Variants in MAPK6 observed in about 807,000 individuals in gnomAD.
MAPK6 encodes ERK-3.
MAPK6 carries 19 observed loss-of-function variants against 59.3 expected under a neutral mutation model. The ratio of observed to expected loss-of-function variants is 0.32; its 90% CI spans 0.22 to 0.47. MAPK6 has a LOEUF of 0.47. Ranked by LOEUF, MAPK6 falls within the 20% of genes least tolerant of loss-of-function variation. The pLI is 1.00. For missense variants in MAPK6, 724 were observed against 847.9 expected, an observed-to-expected ratio of 0.85 and a Z score of 1.81; for synonymous variants, 316 against 290.3, an observed-to-expected ratio of 1.09 and a Z score of -0.90.
At position 51,978,588 on chromosome 15, in the gene MAPK6, C is replaced by A. The variant is rs1246235344; in HGVS notation, c.-879-4618C>A. On this transcript the variant is annotated intron_variant, in intron 1 of 7. Coordinates refer to the MAPK6 transcript ENST00000691380. ...ATAGGTTTAGATCAGTTTGGGTCAG[C>A]ATTTGCCACCAAAATGAGTTATGAA... 9.2e-5 allele frequency among the ~76,000 whole-genome samples: 14 copies of A among 151,586 alleles called. 2 individuals carry two copies. Among genetic ancestry groups the A allele is most frequent in the Admixed American group, 9.2e-4 (14 of 15,224 alleles).
At chr15:51,991,221 ATGTGTATATATG>A (rs893374183) in intron 2 of MAPK6, among the ~76,000 whole-genome samples, 2 of 151,996 alleles carry the variant, frequency 1.3e-5, no homozygotes, top group African/African-American at 2.4e-5. Flanking sequence ...ATGTATATAT[ATGTGTATATATG>A]TGTGTATATA....
chr15:51,983,045 G>T (rs1368684399), intron 1 of MAPK6, among the ~76,000 whole-genome samples: 1 of 152,130 alleles, frequency 6.6e-6, no homozygotes, highest in Non-Finnish European at 1.5e-5. Flanking sequence ...CTTTTTATCT[G>T]CTACTTAACA....
At chr15:51,988,155 A>T (rs956865324) in intron 2 of MAPK6, among the ~76,000 whole-genome samples, 1 of 152,142 alleles carries the variant, frequency 6.6e-6, no homozygotes, top group Non-Finnish European at 1.5e-5. Context: ...ACAATTTCAG[A>T]CCCATAGCTG....
intron 3 of MAPK6, among the ~76,000 whole-genome samples, chr15:52,006,568 G>A (rs1426501631): frequency 6.6e-6 from 1 of 152,146 alleles, no homozygotes; most frequent in Non-Finnish European, 1.5e-5. Context: ...AATATCAGCC[G>A]GGATGAATCA....
intron 2 of MAPK6, among the ~76,000 whole-genome samples, chr15:52,001,513 T>TC (rs1232303292): frequency 1.3e-5 from 2 of 149,242 alleles, no homozygotes; most frequent in Non-Finnish European, 3.0e-5. Context: ...TCCTTTCTTT[T>TC]TTTTTTTTTT....
Position 52,047,082 on chromosome 15 carries a change from T to C in MAPK6, c.555+67T>C, listed in dbSNP as rs147161626. On this transcript the variant is annotated intron_variant, in intron 2 of 5. Coordinates refer to ENST00000261845, the MANE Select transcript of MAPK6 (RefSeq NM_002748.4). ...ACACCTAATCAGGAATAGGTACTTATATTTTCTTTGTATATTGTGGCAGAA... is the reference window on the plus strand; with the variant it reads ...ACACCTAATCAGGAATAGGTACTTACATTTTCTTTGTATATTGTGGCAGAA... 115 of 1,179,306 alleles carry C rather than the reference T, an allele frequency of 9.8e-5. No homozygotes were observed. In the African/African-American group the frequency reaches 1.4e-3, roughly 15 times the overall value. The allele number at this position is 1,179,306 out of a possible 1,614,324, so 73.1% of individuals were successfully genotyped here. A position where few individuals can be genotyped will look rare whatever the true frequency, so the allele number is the denominator to read the frequency against.
At chr15:51,992,421 C>T (rs2057212733) in intron 2 of MAPK6, among the ~76,000 whole-genome samples, 1 of 151,782 alleles carries the variant, frequency 6.6e-6, no homozygotes, top group South Asian at 2.1e-4. Flanking sequence ...CCTGCCTCAG[C>T]CTCCCGGGTA....
intron 1 of MAPK6, among the ~76,000 whole-genome samples, chr15:52,039,367 A>G (rs558183235): frequency 6.6e-6 from 1 of 152,346 alleles, no homozygotes; most frequent in African/African-American, 2.4e-5. Context: ...GATAAGCAAC[A>G]AAATAAACAT....
chr15:52,015,002 CT>C (rs1391990913), upstream of MAPK6, among the ~76,000 whole-genome samples: 1 of 151,976 alleles, frequency 6.6e-6, no homozygotes, highest in East Asian at 1.9e-4. Flanking sequence ...AGAATTGAAA[CT>C]TTTTTTGTTT....
intron 1 of MAPK6, among the ~76,000 whole-genome samples, chr15:51,975,158 A>G (rs2057153741): frequency 6.6e-6 from 1 of 151,994 alleles, no homozygotes; most frequent in African/African-American, 2.4e-5. Context: ...TAGATACCAT[A>G]GAACCCGAAG....
intron 1 of MAPK6, among the ~76,000 whole-genome samples, chr15:52,037,248 G>T (rs1383892879): frequency 2.6e-5 from 4 of 152,178 alleles, no homozygotes; most frequent in Non-Finnish European, 5.9e-5. Context: ...CTCTTAAAGA[G>T]AATCTCCAAG....
At chr15:52,062,067 A>ATTTTTTTTT (rs59641315) in intron 5 of MAPK6, among the ~76,000 whole-genome samples, 1 of 137,518 alleles carries the variant, frequency 7.3e-6, no homozygotes, top group African/African-American at 2.7e-5. Context: ...TAGATGCAGG[A>ATTTTTTTTT]TTTTTTTTTT....
chr15:52,041,121 T>C (rs2031404194), intron 1 of MAPK6, among the ~76,000 whole-genome samples: 1 of 152,208 alleles, frequency 6.6e-6, no homozygotes, highest in South Asian at 2.1e-4. Context: ...CTTGTTGAAG[T>C]GTGTAGAACG....
At chr15:51,974,881 C>T (rs970400599) in intron 1 of MAPK6, among the ~76,000 whole-genome samples, 2 of 150,676 alleles carry the variant, frequency 1.3e-5, no homozygotes, top group African/African-American at 4.8e-5. Context: ...CCATGCCCAG[C>T]TAATTTTTGT....
intron 1 of MAPK6, among the ~76,000 whole-genome samples, chr15:52,024,878 CTTTT>C (rs35983896): frequency 3.6e-5 from 3 of 84,150 alleles, no homozygotes; most frequent in Admixed American, 1.8e-4. Context: ...CATACACTGC[CTTTT>C]TTTTTTTTTT....
rs752144746 is a variant in MAPK6, at chr15:52,047,028, A to C, written c.555+13A>C. The C allele has an allele frequency of 6.6e-6, 10 of 1,518,526 alleles. No individual in the cohort carries two copies. Among genetic ancestry groups the C allele is most frequent in the Middle Eastern group, 1.8e-4 (1 of 5,612 alleles). The allele number at this position is 1,518,526 out of a possible 1,614,324, so 94.1% of individuals were successfully genotyped here. On this transcript the variant is annotated intron_variant, in intron 2 of 5. Transcript: ENST00000261845. Reference sequence around the variant, plus strand: ...TTATTCCCATAAGGTATGTATAGAAAGCCAGCTGAGACAGATCTTTAAACT... The same window carrying C: ...TTATTCCCATAAGGTATGTATAGAACGCCAGCTGAGACAGATCTTTAAACT...
intron 3 of MAPK6, among the ~76,000 whole-genome samples, chr15:52,013,020 AATATATATATATATAT>A (rs71130116): frequency 1.6e-3 from 31 of 19,122 alleles, no homozygotes; most frequent in South Asian, 0.013. Flanking sequence ...AAAAAAAAAA[AATATATATATATATAT>A]ATATATATAT....
Position 52,026,377 on chromosome 15 carries a change from C to T in MAPK6, c.-632+7001C>T, listed in dbSNP as rs543482723. 1.4e-4 allele frequency among the ~76,000 whole-genome samples: 22 copies of T among 152,210 alleles called. No individual in the cohort carries two copies. The East Asian group carries it at 1.5e-3, about 11-fold the overall frequency. On this transcript the variant is annotated intron_variant, in intron 1 of 5. Transcript: ENST00000261845. ...TGTGATCTTCGCTCACTGCAGCCTCCGCCTCCTGGGTTCAAGTGATTCTCC... is the reference window on the plus strand; with the variant it reads ...TGTGATCTTCGCTCACTGCAGCCTCTGCCTCCTGGGTTCAAGTGATTCTCC...
At position 52,022,013 on chromosome 15, in the gene MAPK6, A is replaced by G. The variant is rs187530545; in HGVS notation, c.-632+2637A>G. 2.0e-4 allele frequency among the ~76,000 whole-genome samples: 30 copies of G among 152,234 alleles called. No individual in the cohort carries two copies. In the East Asian group the frequency reaches 2.7e-3, roughly 14 times the overall value. Reference sequence around the variant, plus strand: ...CTTAAAATAAGATTGAGAGGGGGAAAAAGATTGAGAATGGCAGTTTAAGAG... The same window carrying G: ...CTTAAAATAAGATTGAGAGGGGGAAGAAGATTGAGAATGGCAGTTTAAGAG... On this transcript the variant is annotated intron_variant, in intron 1 of 5. Transcript: ENST00000261845.
Sources: gnomAD v4.1 joint callset for allele counts (sites outside exome capture counted in the v4.1 genomes callset) on GRCh38, gnomAD v4.1.1 for gene constraint, MANE v1.5 for transcripts, NCBI Gene and HGNC (gene_info 2026-07-23, HGNC 2026-07-21) for gene names.